The following FRAS1 variants were observed in gnomAD, a reference collection of about 807,000 sequenced individuals.
The protein encoded by FRAS1 is Fraser extracellular matrix complex subunit 1.
In FRAS1, 290 loss-of-function variants were observed where a neutral mutation model predicts 435.2. The ratio of observed to expected loss-of-function variants is 0.67; its 90% CI spans 0.61 to 0.73. The LOEUF is 0.73. FRAS1 is among the 30% of genes least tolerant of loss of function. The pLI is 0.00. For synonymous variants in FRAS1, 1,800 were observed against 1,851.0 expected (o/e 0.97, Z 0.71); for missense variants, 4,860 against 5,001.5 (o/e 0.97, Z 0.85).
chr4:78,403,522 C>T (rs1049141705), intron 30 of FRAS1, among the ~76,000 whole-genome samples: 1 of 152,116 alleles, frequency 6.6e-6, no homozygotes. Context: ...GTCCCAATTA[C>T]GTAAATTTGT....
chr4:78,133,619 C>T (rs902888728), intron 2 of FRAS1, among the ~76,000 whole-genome samples: 2 of 152,168 alleles, frequency 1.3e-5, no homozygotes, highest in East Asian at 1.9e-4. Context: ...TGTATCAAAA[C>T]ATCTCATGTA....
intron 24 of FRAS1, among the ~76,000 whole-genome samples, chr4:78,373,764 A>C (rs529343473): frequency 6.6e-6 from 1 of 151,668 alleles, no homozygotes; most frequent in South Asian, 2.1e-4. Flanking sequence ...AACAAGCAAA[A>C]CTCCGTCTTA....
intron 2 of FRAS1, among the ~76,000 whole-genome samples, chr4:78,099,588 CT>C (rs1560520598): frequency 6.6e-6 from 1 of 152,222 alleles, no homozygotes; most frequent in Non-Finnish European, 1.5e-5. Context: ...GTGCTTCACA[CT>C]TATCCATTCA....
At chr4:78,210,071 A>G (rs1560582237) in intron 2 of FRAS1, among the ~76,000 whole-genome samples, 1 of 152,052 alleles carries the variant, frequency 6.6e-6, no homozygotes, top group Non-Finnish European at 1.5e-5. Context: ...TTCATCCTTC[A>G]TGTGATGGTA....
chr4:78,476,422 C>A lies in FRAS1; in HGVS notation c.7851+816C>A, dbSNP rs891099004. Among the ~76,000 whole-genome samples, 7 of 151,990 alleles carry A rather than the reference C, an allele frequency of 4.6e-5. No homozygotes were observed. The East Asian group carries it at 1.4e-3, about 29-fold the overall frequency. ...ACTTAAATAGTCAACAAATACAGGG[C>A]CCCATGTATTTGTCATCTTTTATGG... On this transcript the variant is annotated intron_variant, in intron 54 of 73. Coordinates refer to ENST00000512123, the MANE Select transcript of FRAS1 (RefSeq NM_025074.7).
chr4:78,303,457 T>C (rs996214810), intron 14 of FRAS1, among the ~76,000 whole-genome samples: 67 of 152,276 alleles, frequency 4.4e-4, no homozygotes, highest in Non-Finnish European at 7.8e-4. Context: ...GCAGTATGGC[T>C]ATTTTCACGA....
At chr4:78,538,886 T>C (rs1448515887) in intron 72 of FRAS1, among the ~76,000 whole-genome samples, 4 of 145,908 alleles carry the variant, frequency 2.7e-5, no homozygotes, top group Admixed American at 1.4e-4. Context: ...ACCCAGGAGG[T>C]GGAGCCAGCA....
Position 78,333,417 on chromosome 4 carries a change from G to T in FRAS1, c.2278+5G>T. 2 of 1,609,780 alleles carry T rather than the reference G, an allele frequency of 1.2e-6. No homozygotes were observed. The highest frequency in any genetic ancestry group is 2.2e-5 in the South Asian group (2 of 89,678). On this transcript the variant is annotated splice_donor_5th_base_variant and intron_variant, in intron 19 of 73. Transcript: ENST00000512123. ...ACCAGGAAGGTAGTTGCACAGGTGA[G>T]TATGTAATGTGCTGAGGCACATTGC...
chr4:78,134,811 T>A (rs565947587), intron 2 of FRAS1, among the ~76,000 whole-genome samples: 1 of 152,310 alleles, frequency 6.6e-6, no homozygotes, highest in East Asian at 1.9e-4. Context: ...GTGCTGTTAT[T>A]TATCCCTACT....
At chr4:78,301,842 AAC>A (rs1277656376) in intron 14 of FRAS1, among the ~76,000 whole-genome samples, 6 of 139,032 alleles carry the variant, frequency 4.3e-5, no homozygotes, top group South Asian at 2.2e-4. Context: ...GGCCCACAGA[AAC>A]AGTTTTTTTT....
At chr4:78,175,800 C>A (rs1203466670) in intron 2 of FRAS1, among the ~76,000 whole-genome samples, 1 of 152,112 alleles carries the variant, frequency 6.6e-6, no homozygotes, top group Non-Finnish European at 1.5e-5. Context: ...TCCCTCTGAT[C>A]TTCTGCCAGT....
At chr4:78,515,633 G>A (rs764892873) in intron 65 of FRAS1, among the ~76,000 whole-genome samples, 166 bp from the exon 66 acceptor site, 1 of 152,114 alleles carries the variant, frequency 6.6e-6, no homozygotes, top group African/African-American at 2.4e-5. Flanking sequence ...CGCTTTCCAA[G>A]ATCCCTCACA....
Position 78,363,895 on chromosome 4 carries a change from T to G in FRAS1, c.2576-13T>G. The G allele has an allele frequency of 6.2e-7, 1 of 1,602,898 alleles. No individual in the cohort carries two copies. Among genetic ancestry groups the G allele is most frequent in the South Asian group, 1.1e-5 (1 of 89,066 alleles). On this transcript the variant is annotated splice_polypyrimidine_tract_variant and intron_variant, in intron 21 of 73. Transcript: ENST00000512123. Reference sequence around the variant, plus strand: ...ACATCATGGTTTCTGTTGTGTCTCTTTTTCCTCTGCAGAATGCCACTCCTC... The same window carrying G: ...ACATCATGGTTTCTGTTGTGTCTCTGTTTCCTCTGCAGAATGCCACTCCTC...
chr4:78,439,945 C>A (rs1182685164), intron 40 of FRAS1, among the ~76,000 whole-genome samples: 1 of 152,014 alleles, frequency 6.6e-6, no homozygotes, highest in Admixed American at 6.6e-5. Context: ...TATGTACATA[C>A]CATAATGCCA....
At chr4:78,461,022 C>T (rs1335002164) in intron 47 of FRAS1, among the ~76,000 whole-genome samples, 1 of 152,162 alleles carries the variant, frequency 6.6e-6, no homozygotes, top group South Asian at 2.1e-4. Flanking sequence ...AAATCCTTGT[C>T]CTCTTAAAAC....
Position 78,284,546 on chromosome 4 carries a change from T to TAGGTATGGCTCA in FRAS1, c.1399+9_1399+10insAAGGTATGGCTC. The TAGGTATGGCTCA allele has an allele frequency of 6.2e-7, 1 of 1,608,414 alleles. No homozygotes were observed. On this transcript the variant is annotated inframe_insertion and splice_region_variant, in exon 13 of 74. Coordinates refer to ENST00000512123, the MANE Select transcript of FRAS1 (RefSeq NM_025074.7). Reference sequence around the variant, plus strand: ...TTTTACCAAGCTGGCAGTCTCTGTTTAGGTATGGCTCCAAGTGGACAACCC... The same window carrying TAGGTATGGCTCA: ...TTTTACCAAGCTGGCAGTCTCTGTTTAGGTATGGCTCAAGGTATGGCTCCAAGTGGACAACCC...
chr4:78,254,997 G>A (rs1046915228), intron 5 of FRAS1, among the ~76,000 whole-genome samples: 1 of 152,112 alleles, frequency 6.6e-6, no homozygotes, highest in Non-Finnish European at 1.5e-5. Flanking sequence ...GCTGGTAGCT[G>A]AGAACTCATC....
chr4:78,288,646 A>G (rs958542532), intron 14 of FRAS1, among the ~76,000 whole-genome samples: 2 of 152,144 alleles, frequency 1.3e-5, no homozygotes, highest in African/African-American at 4.8e-5. Context: ...AATTTGCTTT[A>G]GTTCAGGCTG....
intron 2 of FRAS1, among the ~76,000 whole-genome samples, chr4:78,099,957 AG>A (rs1232251068): frequency 6.6e-6 from 1 of 152,184 alleles, no homozygotes; most frequent in African/African-American, 2.4e-5. Flanking sequence ...CAGGGGAAAG[AG>A]GCAGCCTGAG....
Sources: gnomAD v4.1 joint callset for allele counts (sites outside exome capture counted in the v4.1 genomes callset) on GRCh38, gnomAD v4.1.1 for gene constraint, MANE v1.5 for transcripts, NCBI Gene and HGNC (gene_info 2026-07-23, HGNC 2026-07-21) for gene names.